The following NTNG1 variants were observed in gnomAD, a reference collection of about 807,000 sequenced individuals.
NTNG1 encodes netrin-G1.
A neutral mutation model predicts 54.0 loss-of-function variants in NTNG1; 16 were observed. The observed-to-expected ratio is 0.30, with a 90% confidence interval of 0.20 to 0.45. The LOEUF (loss-of-function observed/expected upper bound fraction) is 0.45. NTNG1 is among the 20% of genes least tolerant of loss of function. NTNG1 has a pLI of 1.00. For synonymous variants in NTNG1, 255 were observed against 263.1 expected (o/e 0.97, Z 0.30); for missense variants, 530 against 678.7 (o/e 0.78, Z 2.43).
rs58433348 is a variant in NTNG1 at position 107,386,165 on chromosome 1, A to T, written c.888-8989A>T. On this transcript the variant is annotated intron_variant, in intron 3 of 7. Coordinates refer to ENST00000370068, the MANE Select transcript of NTNG1 (RefSeq NM_001113226.3). ...TATATGTGTGTATATATATATATAT[A>T]TTTTTTTTTTTTTCTTCCTTTGAAA... 5.2e-3 allele frequency among the ~76,000 whole-genome samples: 622 copies of T among 120,728 alleles called. 4 individuals are homozygous for T. Among genetic ancestry groups the T allele is most frequent in the South Asian group, 9.8e-3 (37 of 3,760 alleles). 79.2% of individuals were successfully genotyped at this position (120,728 alleles called of 152,430 possible). A position where few individuals can be genotyped will look rare whatever the true frequency, so the allele number is the denominator to read the frequency against.
intron 2 of NTNG1, among the ~76,000 whole-genome samples, chr1:107,300,797 T>C (rs1375909447): frequency 2.0e-5 from 3 of 152,220 alleles, no homozygotes; most frequent in African/African-American, 7.2e-5. Flanking sequence ...GAGTTAATGT[T>C]AACATTTTAA....
intron 7 of NTNG1, among the ~76,000 whole-genome samples, chr1:107,472,565 C>A (rs114588015): frequency 3.0e-4 from 45 of 152,204 alleles, no homozygotes; most frequent in African/African-American, 9.9e-4. Context: ...TAAATAGTTG[C>A]ATAGTATGTC....
intron 3 of NTNG1, among the ~76,000 whole-genome samples, chr1:107,339,025 C>G (rs533194437): frequency 6.6e-6 from 1 of 151,912 alleles, no homozygotes; most frequent in Admixed American, 6.6e-5. Flanking sequence ...CAGCATAGTA[C>G]AATATTCTAC....
chr1:107,306,194 A>T (rs745350669), intron 2 of NTNG1, among the ~76,000 whole-genome samples: 3 of 152,252 alleles, frequency 2.0e-5, no homozygotes, highest in Non-Finnish European at 4.4e-5. Context: ...AGGTAAAATG[A>T]AACAGGTAAA....
chr1:107,463,101 A>G (rs983853120), intron 7 of NTNG1, among the ~76,000 whole-genome samples: 37 of 152,096 alleles, frequency 2.4e-4, no homozygotes, highest in African/African-American at 8.4e-4. Flanking sequence ...GTCAGCTGAG[A>G]TTTTCATTGT....
intron 2 of NTNG1, among the ~76,000 whole-genome samples, chr1:107,310,789 A>G (rs1003072197): frequency 2.0e-5 from 3 of 152,090 alleles, no homozygotes; most frequent in African/African-American, 7.2e-5. Flanking sequence ...GGGCCCTGAA[A>G]TACACTACCC....
intron 2 of NTNG1, among the ~76,000 whole-genome samples, chr1:107,297,827 G>T (rs1223815703): frequency 2.0e-5 from 3 of 152,134 alleles, no homozygotes; most frequent in African/African-American, 7.2e-5. Flanking sequence ...TGAAATAGAA[G>T]TCACGTTTTT....
chr1:107,270,881 T>C (rs1276909942), intron 2 of NTNG1, among the ~76,000 whole-genome samples: 1 of 152,098 alleles, frequency 6.6e-6, no homozygotes, highest in Non-Finnish European at 1.5e-5. Flanking sequence ...AAGACACTTA[T>C]ATTGTGAAAG....
At chr1:107,423,358 T>C (rs542049019) in intron 5 of NTNG1, among the ~76,000 whole-genome samples, 280 of 152,112 alleles carry the variant, frequency 1.8e-3, no homozygotes, top group Non-Finnish European at 2.9e-3. Context: ...CATCTAGTCA[T>C]CTAGTCCGTA....
At chr1:107,324,176 C>A in intron 2 of NTNG1, 106 bp from the exon 3 acceptor site, 8 of 992,248 alleles carry the variant, frequency 8.1e-6, no homozygotes, top group South Asian at 5.0e-5. Context: ...TTACTGAAAA[C>A]AGATTTTTTT....
intron 5 of NTNG1, among the ~76,000 whole-genome samples, chr1:107,416,598 A>C (rs544979919): frequency 1.3e-5 from 2 of 152,226 alleles, no homozygotes; most frequent in East Asian, 3.9e-4. Context: ...TTACACTAAA[A>C]TACAGGCACA....
intron 3 of NTNG1, among the ~76,000 whole-genome samples, chr1:107,358,252 C>T (rs1670057651): frequency 6.6e-6 from 1 of 152,074 alleles, no homozygotes; most frequent in East Asian, 1.9e-4. Context: ...TAAGTGCTAC[C>T]TCTACTTGAG....
rs116256873 is a variant in NTNG1, at chr1:107,464,335, G to A, written c.1391-16276G>A. Among the ~76,000 whole-genome samples the A allele has an allele frequency of 3.5e-3, 538 of 152,212 alleles. 6 individuals are homozygous for A. The highest frequency in any genetic ancestry group is 0.012 in the African/African-American group (489 of 41,548). On this transcript the variant is annotated intron_variant, in intron 7 of 7. Coordinates refer to ENST00000370068, the MANE Select transcript of NTNG1 (RefSeq NM_001113226.3). ...CATCGTTAGCACAAAAGAATTGCCC[G>A]ATTAAGCAGGACAGAGACCAGCCTG...
intron 2 of NTNG1, among the ~76,000 whole-genome samples, chr1:107,172,757 GA>G (rs2101097549): frequency 6.6e-6 from 1 of 152,216 alleles, no homozygotes; most frequent in Admixed American, 6.5e-5. Context: ...CTTGTCCCAC[GA>G]GTCACTAGGG....
At chr1:107,140,384 C>T (rs1485518822), upstream of NTNG1, among the ~76,000 whole-genome samples, 4 of 151,936 alleles carry the variant, frequency 2.6e-5, no homozygotes, top group Non-Finnish European at 4.4e-5. Flanking sequence ...TTGCCAGGAG[C>T]TCGCTGCCCG....
At chr1:107,455,790 G>A (rs985788588) in intron 7 of NTNG1, among the ~76,000 whole-genome samples, 5 of 152,108 alleles carry the variant, frequency 3.3e-5, no homozygotes, top group Admixed American at 1.3e-4. Context: ...CTGTTGCCCC[G>A]GAGACAGGAA....
intron 7 of NTNG1, among the ~76,000 whole-genome samples, 171 bp from the exon 8 acceptor site, chr1:107,480,440 T>G (rs1360924902): frequency 6.6e-6 from 1 of 152,016 alleles, no homozygotes; most frequent in African/African-American, 2.4e-5. Context: ...GAAAACTACA[T>G]TTGTTTGGAA....
rs114229981 is a variant in NTNG1 at position 107,466,560 on chromosome 1, G to A, written c.1391-14051G>A. Among the ~76,000 whole-genome samples the A allele has an allele frequency of 3.6e-3, 544 of 152,276 alleles. 6 individuals are homozygous for A. Among genetic ancestry groups the A allele is most frequent in the African/African-American group, 0.012 (487 of 41,566 alleles). ...ATGTCGAGGAAAGTGAAATGTGTTA[G>A]GACAAGATATTTTAAAGCACGTCAT... On this transcript the variant is annotated intron_variant, in intron 7 of 7. Transcript: ENST00000370068.
chr1:107,352,272 A>C (rs930836030), intron 3 of NTNG1, among the ~76,000 whole-genome samples: 1 of 145,156 alleles, frequency 6.9e-6, no homozygotes, highest in African/African-American at 2.6e-5. Flanking sequence ...TCCCCTCTGC[A>C]CTACCTTAGT....
Sources: gnomAD v4.1 joint callset for allele counts (sites outside exome capture counted in the v4.1 genomes callset) on GRCh38, gnomAD v4.1.1 for gene constraint, MANE v1.5 for transcripts, NCBI Gene and HGNC (gene_info 2026-07-23, HGNC 2026-07-21) for gene names.